Variants in GFRA1 observed in about 807,000 individuals in gnomAD.
GFRA1 encodes GDNF family receptor alpha-1.
Under a neutral mutation model 51.6 loss-of-function variants are expected in GFRA1, and 16 were observed. That is an observed-to-expected ratio of 0.31 (90% confidence interval 0.21 to 0.47). GFRA1 has a LOEUF of 0.47. Ranked by LOEUF, GFRA1 falls within the 20% of genes least tolerant of loss-of-function variation. The pLI is 1.00. For missense variants in GFRA1, 530 were observed against 594.3 expected, an observed-to-expected ratio of 0.89 and a Z score of 1.13; for synonymous variants, 270 against 241.3, an observed-to-expected ratio of 1.12 and a Z score of -1.10.
intron 9 of GFRA1, among the ~76,000 whole-genome samples, chr10:116,081,186 A>T (rs958282362): frequency 3.3e-5 from 5 of 152,204 alleles, no homozygotes; most frequent in Non-Finnish European, 7.3e-5. Flanking sequence ...TCAGAAGTGC[A>T]GGTGGCCTGG....
At chr10:116,193,850 G>A (rs1963484219) in intron 5 of GFRA1, among the ~76,000 whole-genome samples, 1 of 151,942 alleles carries the variant, frequency 6.6e-6, no homozygotes, top group Non-Finnish European at 1.5e-5. Context: ...GAGGTCAGGA[G>A]ATGGAGACCA....
intron 5 of GFRA1, among the ~76,000 whole-genome samples, chr10:116,171,909 C>T (rs533617644): frequency 4.9e-4 from 74 of 152,220 alleles, no homozygotes; most frequent in African/African-American, 1.7e-3. Flanking sequence ...CAGAGGGAGG[C>T]GCAGCAAAGG....
Position 116,060,538 on chromosome 10 carries a change from A to G in GFRA1, c.*3860T>C, listed in dbSNP as rs1344103266. On this transcript the variant is annotated 3_prime_UTR_variant, in exon 11 of 11. Transcript: ENST00000355422. ...ACCTTGATTTTGCCTTATCTCGCCA[A>G]CTCTCCAAGCTCAGGTGGGCCTTCT... 1 of 151,944 alleles carries G rather than the reference A, an allele frequency of 6.6e-6. No individual in the cohort carries two copies. The highest frequency in any genetic ancestry group is 1.5e-5 in the Non-Finnish European group (1 of 68,008). The allele number at this position is 151,944 out of a possible 1,614,324, so 9.4% of individuals were successfully genotyped here.
chr10:116,159,281 T>C (rs1325923562), intron 5 of GFRA1, among the ~76,000 whole-genome samples: 2 of 152,126 alleles, frequency 1.3e-5, no homozygotes, highest in African/African-American at 2.4e-5. Flanking sequence ...CGTTCTAGTC[T>C]CATCTCTCCC....
At chr10:116,263,085 G>A (rs1282851451) in intron 4 of GFRA1, among the ~76,000 whole-genome samples, 4 of 152,204 alleles carry the variant, frequency 2.6e-5, no homozygotes, top group African/African-American at 7.2e-5. Flanking sequence ...CTCAGGCCAG[G>A]TGATTAAGAG....
At chr10:116,086,322 G>A (rs1956098316) in intron 9 of GFRA1, among the ~76,000 whole-genome samples, 1 of 152,186 alleles carries the variant, frequency 6.6e-6, no homozygotes, top group South Asian at 2.1e-4. Context: ...GGAACCAAGT[G>A]GCTACTGACT....
At chr10:116,165,115 T>C (rs1394247430) in intron 5 of GFRA1, among the ~76,000 whole-genome samples, 4 of 152,288 alleles carry the variant, frequency 2.6e-5, no homozygotes, top group African/African-American at 9.6e-5. Flanking sequence ...GGTCCTGAAA[T>C]CTCTGAGTCT....
At chr10:116,101,071 T>TG (rs970509211) in intron 6 of GFRA1, among the ~76,000 whole-genome samples, 2 of 152,224 alleles carry the variant, frequency 1.3e-5, no homozygotes, top group African/African-American at 4.8e-5. Flanking sequence ...CTCTGGCTGC[T>TG]GCTTCTGTCC....
intron 4 of GFRA1, among the ~76,000 whole-genome samples, chr10:116,267,773 C>T (rs1211085788): frequency 6.6e-6 from 1 of 152,162 alleles, no homozygotes; most frequent in Admixed American, 6.5e-5. Context: ...TTTGTCTGTA[C>T]CTCTCCTCTC....
chr10:116,156,412 C>T (rs1471222178), intron 5 of GFRA1, among the ~76,000 whole-genome samples: 1 of 149,864 alleles, frequency 6.7e-6, no homozygotes, highest in African/African-American at 2.5e-5. Context: ...TATTTACATG[C>T]TTTTACAAAC....
At chr10:116,224,388 C>T (rs1966134617) in intron 4 of GFRA1, among the ~76,000 whole-genome samples, 1 of 152,120 alleles carries the variant, frequency 6.6e-6, no homozygotes, top group African/African-American at 2.4e-5. Flanking sequence ...AAAATCTGTA[C>T]ACAAGAGTTC....
At chr10:116,211,610 G>T in intron 5 of GFRA1, 21 bp downstream of exon 5, 2 of 1,547,934 alleles carry the variant, frequency 1.3e-6, no homozygotes, top group Non-Finnish European at 1.7e-6. Context: ...TGAAAAAGCA[G>T]GCAGGAAACA....
intron 7 of GFRA1, among the ~76,000 whole-genome samples, chr10:116,094,055 C>A (rs1956471336): frequency 6.6e-6 from 1 of 152,152 alleles, no homozygotes. Context: ...TAACAGAACT[C>A]CTTGAGCTGC....
intron 4 of GFRA1, among the ~76,000 whole-genome samples, chr10:116,216,525 G>T (rs954569520): frequency 6.6e-6 from 1 of 152,186 alleles, no homozygotes; most frequent in African/African-American, 2.4e-5. Context: ...AGTATTAAAG[G>T]TATGGCAAAC....
At chr10:116,250,095 G>A (rs913970942) in intron 4 of GFRA1, among the ~76,000 whole-genome samples, 1 of 152,200 alleles carries the variant, frequency 6.6e-6, no homozygotes, top group Admixed American at 6.5e-5. Flanking sequence ...AGAGAGATGT[G>A]TGTGCTAGGG....
In GFRA1 at chr10:116,064,437, G is replaced by T. The variant is rs200037769; in HGVS notation, c.1359C>A (p.Thr453=). 1.9e-6 allele frequency: 3 copies of T among 1,612,560 alleles called. No homozygotes were observed. The highest frequency in any genetic ancestry group is 2.5e-6 in the Non-Finnish European group (3 of 1,179,614). ...GLSPLLVLVV[T]ALSTLLSLTE... is the part of the protein sequence containing the mutation. ...TTAAAGATAATAGGGTGGACAGAGC[G>T]GTTACCACCAGGACCAGCAGTGGGC... Residue 453 remains threonine (T), a synonymous_variant, in exon 11 of 11, where the codon ACC becomes ACA. Coordinates refer to ENST00000355422, the MANE Select transcript of GFRA1 (RefSeq NM_005264.8).
chr10:116,085,412 C>T (rs933660356), intron 9 of GFRA1, among the ~76,000 whole-genome samples: 2 of 152,306 alleles, frequency 1.3e-5, no homozygotes, highest in Admixed American at 6.5e-5. Flanking sequence ...AGTTGACTTT[C>T]TCTGAATCTG....
intron 5 of GFRA1, among the ~76,000 whole-genome samples, chr10:116,153,036 A>T (rs1959122265): frequency 6.6e-6 from 1 of 152,182 alleles, no homozygotes; most frequent in African/African-American, 2.4e-5. Context: ...CCATGCATCC[A>T]TCTATCCATC....
intron 5 of GFRA1, among the ~76,000 whole-genome samples, chr10:116,169,056 T>C (rs1960772464): frequency 6.6e-6 from 1 of 152,122 alleles, no homozygotes; most frequent in Non-Finnish European, 1.5e-5. Flanking sequence ...CCCCATCCCC[T>C]CTGTCACCTC....
Sources: gnomAD v4.1 joint callset for allele counts (sites outside exome capture counted in the v4.1 genomes callset) on GRCh38, gnomAD v4.1.1 for gene constraint, MANE v1.5 for transcripts, NCBI Gene and HGNC (gene_info 2026-07-23, HGNC 2026-07-21) for gene names.